Variants in WIZ observed in about 807,000 individuals in gnomAD.
WIZ encodes protein Wiz.
A neutral mutation model predicts 140.2 loss-of-function variants in WIZ; 25 were observed. The observed-to-expected ratio is 0.18, with a 90% CI of 0.13 to 0.25. The LOEUF (loss-of-function observed/expected upper bound fraction) is 0.25, where lower values mean the gene tolerates loss of function less well. WIZ is among the 10% of genes least tolerant of loss of function. WIZ has a pLI of 1.00. For synonymous variants in WIZ, 1,125 were observed against 1,154.3 expected, an observed-to-expected ratio of 0.97 and a Z score of 0.51; for missense variants, 2,231 against 2,632.6, an observed-to-expected ratio of 0.85 and a Z score of 3.34.
In WIZ at chr19:15,427,997, T is replaced by A; in HGVS notation, c.3814+113A>T. 7.0e-7 allele frequency: 1 copy of A among 1,420,938 alleles called. No individual in the cohort carries two copies. Among genetic ancestry groups the A allele is most frequent in the Non-Finnish European group, 9.3e-7 (1 of 1,080,750 alleles). 88.0% of individuals were successfully genotyped at this position (1,420,938 alleles called of 1,614,324 possible). A position where few individuals can be genotyped will look rare whatever the true frequency, so the allele number is the denominator to read the frequency against. On this transcript the variant is annotated intron_variant, in intron 8 of 12. Coordinates refer to ENST00000673675, the MANE Select transcript of WIZ (RefSeq NM_001371589.1). This position sits in a 1 kb window ranked among gnomAD's most constrained non-coding sequence, Gnocchi z 6.4. ...AGATCTCTGGGCAGAACCGGCCCAC[T>A]GCCAAGGGCCCCTGTCTACTCCCTG... is the stretch of plus-strand genomic sequence containing the variant.
At position 15,424,589 on chromosome 19, in the gene WIZ, G is replaced by T; in HGVS notation, c.5314+24C>A. ...CCTGACAGGTGCCCGCTGCGCTCCC[G>T]ACCCTCCTCCACCAAGCACTCACTG... On this transcript the variant is annotated intron_variant, in intron 11 of 12. Coordinates refer to ENST00000673675, the MANE Select transcript of WIZ (RefSeq NM_001371589.1). This position sits in a 1 kb window ranked among gnomAD's most constrained non-coding sequence, Gnocchi z 9.7. 1 of 1,573,520 alleles carries T rather than the reference G, an allele frequency of 6.4e-7. No homozygotes were observed. Among genetic ancestry groups the T allele is most frequent in the Non-Finnish European group, 8.6e-7 (1 of 1,167,960 alleles).
At position 15,439,399 on chromosome 19, in the gene WIZ, A is replaced by C; in HGVS notation, c.1595T>G (p.Leu532Trp). Residue 532 changes from leucine to tryptophan, a missense_variant, in exon 4 of 13, where the codon TTG becomes TGG. Around this residue, in one of 15 missense-constraint regions of WIZ, gnomAD observed 475 missense variants for 520.2 expected, o/e 0.91. Transcript: ENST00000673675. The surrounding 1 kb of genome is among the most constrained non-coding windows in gnomAD (Gnocchi z 7.0). ...AGGGTTCTCCCGCCACATGGGGGCC[A>C]AGGACGGCTCAGCTTTGCCAAAGTA... ...VDYFGKAEPS[L>W]APMWRENPAG... 6.5e-7 allele frequency: 1 copy of C among 1,528,558 alleles called. No individual in the cohort carries two copies. Among genetic ancestry groups the C allele is most frequent in the South Asian group, 1.2e-5 (1 of 83,528 alleles). The allele number at this position is 1,528,558 out of a possible 1,614,324, so 94.7% of individuals were successfully genotyped here. A position where few individuals can be genotyped will look rare whatever the true frequency, so the allele number is the denominator to read the frequency against.
chr19:15,424,212 G>T lies in WIZ; in HGVS notation c.5481C>A (p.Phe1827Leu). 1 of 1,565,826 alleles carries T rather than the reference G, an allele frequency of 6.4e-7. No homozygotes were observed. Among genetic ancestry groups the T allele is most frequent in the East Asian group, 2.4e-5 (1 of 41,938 alleles). ...ATTTGAGGGTGTAGATGTTGCCCAC[G>T]AACTTGACAAGTGATGTCTGGGGGG... ...PRPPQTSLVKFVGNIYTLKCR... is the reference protein window; with the variant it reads ...PRPPQTSLVKLVGNIYTLKCR... Residue 1827 changes from phenylalanine to leucine, a missense_variant, in exon 12 of 13, where the codon TTC becomes TTA. Transcript: ENST00000673675. This position sits in a 1 kb window ranked among gnomAD's most constrained non-coding sequence, Gnocchi z 9.7.
chr19:15,448,366 G>A lies in WIZ; in HGVS notation c.-59C>T. On this transcript the variant is annotated splice_region_variant and 5_prime_UTR_variant, in exon 2 of 13. Transcript: ENST00000673675. ...GCACCGGCTCAGCGGGGCATTGTGG[G>A]CCTGGGGATAGAGAGAAGGAAGTGC... 1.3e-6 allele frequency: 2 copies of A among 1,592,178 alleles called. No homozygotes were observed. The highest frequency in any genetic ancestry group is 2.2e-5 in the South Asian group (2 of 90,330).
intron 2 of WIZ, among the ~76,000 whole-genome samples, chr19:15,446,432 G>A (rs1369406299): frequency 6.6e-6 from 1 of 152,150 alleles, no homozygotes; most frequent in Non-Finnish European, 1.5e-5. Flanking sequence ...CTCTCTCTGA[G>A]CCTCAGTTAT....
chr19:15,429,536 C>T (rs968499872), intron 7 of WIZ, 50 bp downstream of exon 7: 6 of 1,330,120 alleles, frequency 4.5e-6, no homozygotes, highest in South Asian at 4.4e-5. Flanking sequence ...CCTGAGGTCC[C>T]GACCCTCCCA....
In WIZ at chr19:15,442,694, G is replaced by C. The variant is rs534517188; in HGVS notation, c.260C>G (p.Thr87Ser). Reference sequence around the variant, plus strand: ...CACTCACCAGCTGCTGATCCGATGGGTGGCGGAGGTGACACGGGGGAGGGC... The same window carrying C: ...CACTCACCAGCTGCTGATCCGATGGCTGGCGGAGGTGACACGGGGGAGGGC... ...SEALPRVTSA[T>S]HRISSCCWDG... Residue 87 changes from threonine (T) to serine (S), a missense_variant, in exon 3 of 13, where the codon ACC (threonine) becomes AGC (serine). By Grantham distance (58) the Thr-to-Ser change is moderately conservative (BLOSUM62 1). Transcript: ENST00000673675. The surrounding 1 kb of genome is among the most constrained non-coding windows in gnomAD (Gnocchi z 5.5). The C allele has an allele frequency of 2.4e-5, 29 of 1,232,554 alleles. No homozygotes were observed. The African/African-American group carries it at 4.5e-4, about 19-fold the overall frequency. The allele number at this position is 1,232,554 out of a possible 1,614,324, so 76.4% of individuals were successfully genotyped here. A position where few individuals can be genotyped will look rare whatever the true frequency, so the allele number is the denominator to read the frequency against.
Position 15,427,252 on chromosome 19 carries a change from G to A in WIZ, c.4096C>T (p.Pro1366Ser). 1 of 1,613,852 alleles carries A rather than the reference G, an allele frequency of 6.2e-7. No homozygotes were observed. The change falls in exon 9 of 13, where the codon CCC (proline) becomes TCC (serine). Residue 1366 changes from proline (P) to serine (S), a missense_variant. Transcript: ENST00000673675. The surrounding 1 kb of genome is among the most constrained non-coding windows in gnomAD (Gnocchi z 6.4). Reference sequence around the variant, plus strand: ...AAGGGTGAGATGTGAAGGTCCGAGGGGCTGCGGGCTTCCAGTGAGCTGCCA... The same window carrying A: ...AAGGGTGAGATGTGAAGGTCCGAGGAGCTGCGGGCTTCCAGTGAGCTGCCA... ...GPGSSLEARS[P>S]SDLHISPLAK...
chr19:15,425,387 G>T lies in WIZ; in HGVS notation c.4748C>A (p.Ser1583Ter). The change falls in exon 10 of 13, where the codon TCA (serine) becomes TAA (stop). Residue 1583 changes from serine (S) to a stop codon, truncating the protein, a stop_gained. Transcript: ENST00000673675. LOFTEE classifies it high-confidence loss of function. ...CACTGAGCCCAGGTAGCCAGTGGCT[G>T]AGGGCTTGGCCCCAGTGATGGGCGT... ...SLTPITGAKP[S>*]ATGYLGSVAA... is the part of the protein sequence containing the mutation. The T allele has an allele frequency of 6.4e-7, 1 of 1,557,130 alleles. No individual in the cohort carries two copies. The highest frequency in any genetic ancestry group is 1.4e-5 in the African/African-American group (1 of 73,460).
Position 15,430,945 on chromosome 19 carries a change from C to T in WIZ, c.2911+67G>A, listed in dbSNP as rs1969193374. 2.2e-5 allele frequency: 32 copies of T among 1,448,058 alleles called. No homozygotes were observed. The South Asian group carries it at 2.6e-4, about 12-fold the overall frequency. The allele number at this position is 1,448,058 out of a possible 1,614,324, so 89.7% of individuals were successfully genotyped here. A position where few individuals can be genotyped will look rare whatever the true frequency, so the allele number is the denominator to read the frequency against. On this transcript the variant is annotated intron_variant, in intron 6 of 12. Coordinates refer to ENST00000673675, the MANE Select transcript of WIZ (RefSeq NM_001371589.1). ...TGGGCCCCACATTAACCCCAAGGCA[C>T]GAGAGTGCTCCTGTGAGTGTAACCA... is the stretch of plus-strand genomic sequence containing the variant.
At chr19:15,433,004 C>G (rs2145317170) in intron 5 of WIZ, among the ~76,000 whole-genome samples, 1 of 152,248 alleles carries the variant, frequency 6.6e-6, no homozygotes, top group East Asian at 2.0e-4. Flanking sequence ...CCGGACATCT[C>G]TATCCCTAGG....
chr19:15,428,627 CA>C lies in WIZ; in HGVS notation c.3416-120del. ...TCAGGCAGTTGGGGGGTCCAAGACTCAGGCCGCAGATTTCTTTTGAAGTTTG... is the reference window on the plus strand; with the variant it reads ...TCAGGCAGTTGGGGGGTCCAAGACTCGGCCGCAGATTTCTTTTGAAGTTTG... On this transcript the variant is annotated intron_variant, in intron 7 of 12. Transcript: ENST00000673675. The surrounding 1 kb of genome is among the most constrained non-coding windows in gnomAD (Gnocchi z 6.4). 8.0e-7 allele frequency: 1 copy of C among 1,247,114 alleles called. No homozygotes were observed. The highest frequency in any genetic ancestry group is 1.1e-6 in the Non-Finnish European group (1 of 906,060). 77.3% of individuals were successfully genotyped at this position (1,247,114 alleles called of 1,614,324 possible).
chr19:15,424,050 G>T lies in WIZ; in HGVS notation c.5510+133C>A. On this transcript the variant is annotated intron_variant, in intron 12 of 12. Coordinates refer to ENST00000673675, the MANE Select transcript of WIZ (RefSeq NM_001371589.1). The surrounding 1 kb of genome is among the most constrained non-coding windows in gnomAD (Gnocchi z 9.7). Reference sequence around the variant, plus strand: ...AGCTCAGGGTGTCAGCCTTTAGCCTGAGCCCCACCACACCCAAGGGCAGCC... The same window carrying T: ...AGCTCAGGGTGTCAGCCTTTAGCCTTAGCCCCACCACACCCAAGGGCAGCC... 1 of 810,808 alleles carries T rather than the reference G, an allele frequency of 1.2e-6. No homozygotes were observed. 50.2% of individuals were successfully genotyped at this position (810,808 alleles called of 1,614,324 possible). A position where few individuals can be genotyped will look rare whatever the true frequency, so the allele number is the denominator to read the frequency against.
At position 15,439,931 on chromosome 19, in the gene WIZ, C is replaced by T. The variant is rs921031189; in HGVS notation, c.1063G>A (p.Gly355Arg). 27 of 1,533,026 alleles carry T rather than the reference C, an allele frequency of 1.8e-5. No individual in the cohort carries two copies. The highest frequency in any genetic ancestry group is 4.1e-5 in the African/African-American group (3 of 72,956). 95.0% of individuals were successfully genotyped at this position (1,533,026 alleles called of 1,614,324 possible). ...TCAGCAAAGGCCCAGCCACACTCCCCGCAGGCCAGCGGGGCCAGGTCCGCA... is the reference window on the plus strand; with the variant it reads ...TCAGCAAAGGCCCAGCCACACTCCCTGCAGGCCAGCGGGGCCAGGTCCGCA... ...PPADLAPLAC[G>R]ECGWAFADPT... The change falls in exon 4 of 13, where the codon GGG becomes AGG. Residue 355 changes from glycine (G) to arginine (R), a missense_variant. This residue lies in a region of WIZ where 475 missense variants were observed against 520.2 expected (regional missense o/e 0.91). Transcript: ENST00000673675. This position sits in a 1 kb window ranked among gnomAD's most constrained non-coding sequence, Gnocchi z 7.0.
At chr19:15,423,546 C>T (rs1026100091) in intron 12 of WIZ, among the ~76,000 whole-genome samples, 1 of 152,130 alleles carries the variant, frequency 6.6e-6, no homozygotes, top group Non-Finnish European at 1.5e-5. Flanking sequence ...CAGTAGAGGG[C>T]ACAGAGAAGC....
chr19:15,429,991 C>T lies in WIZ; in HGVS notation c.3010G>A (p.Ala1004Thr). ...GGTGCGCCGCTGCTTTCCGACTCTG[C>T]CACTCCCAGCTGCCGCAGGTGGGAG... ...ARSHLRQLGV[A>T]ESESSGAPID... The change falls in exon 7 of 13, where the codon GCA becomes ACA. Residue 1004 changes from alanine to threonine, a missense_variant. Coordinates refer to ENST00000673675, the MANE Select transcript of WIZ (RefSeq NM_001371589.1). The T allele has an allele frequency of 6.5e-7, 1 of 1,536,010 alleles. No homozygotes were observed. Among genetic ancestry groups the T allele is most frequent in the Non-Finnish European group, 8.7e-7 (1 of 1,146,814 alleles).
chr19:15,427,127 T>G lies in WIZ; in HGVS notation c.4221A>C (p.Ala1407=). ...TARKMFPGLA[A]PSLPKKLKPE... ...GCTTCAGCTTCTTGGGCAAGGAGGGTGCAGCCAGGCCTGGGAACATCTTTC... is the reference window on the plus strand; with the variant it reads ...GCTTCAGCTTCTTGGGCAAGGAGGGGGCAGCCAGGCCTGGGAACATCTTTC... Residue 1407 remains alanine, a synonymous_variant, in exon 9 of 13, where the codon GCA becomes GCC. Transcript: ENST00000673675. This position sits in a 1 kb window ranked among gnomAD's most constrained non-coding sequence, Gnocchi z 6.4. The G allele has an allele frequency of 2.5e-6, 4 of 1,614,122 alleles. No homozygotes were observed. Among genetic ancestry groups the G allele is most frequent in the Non-Finnish European group, 3.4e-6 (4 of 1,180,016 alleles).
intron 3 of WIZ, among the ~76,000 whole-genome samples, chr19:15,441,618 C>G (rs908942188): frequency 1.3e-5 from 2 of 152,088 alleles, no homozygotes; most frequent in African/African-American, 2.4e-5. Flanking sequence ...ATCGGTTCTC[C>G]CTTCCTTTTC....
In WIZ at chr19:15,424,776, C is replaced by T. The variant is rs548105462; in HGVS notation, c.5151G>A (p.Pro1717=). 2.6e-5 allele frequency: 42 copies of T among 1,586,488 alleles called. No individual in the cohort carries two copies. The African/African-American group carries it at 3.2e-4, about 12-fold the overall frequency. ...AGHGRDSDKR[P]SLGLAPGGLA... ...GGCCCCCGGGTGCCAGCCCCAGGGACGGCCGCTTGTCACTGTCACGGCCAT... is the reference window on the plus strand; with the variant it reads ...GGCCCCCGGGTGCCAGCCCCAGGGATGGCCGCTTGTCACTGTCACGGCCAT... Residue 1717 remains proline (P), a synonymous_variant, in exon 11 of 13, where the codon CCG becomes CCA. Coordinates refer to ENST00000673675, the MANE Select transcript of WIZ (RefSeq NM_001371589.1). This position sits in a 1 kb window ranked among gnomAD's most constrained non-coding sequence, Gnocchi z 9.7.
Sources: gnomAD v4.1 joint callset for allele counts (sites outside exome capture counted in the v4.1 genomes callset) on GRCh38, gnomAD v4.1.1 for gene constraint, gnomAD v4.1.1 regional missense constraint, Gnocchi (gnomAD v3.1) non-coding constraint, MANE v1.5 for transcripts, NCBI Gene and HGNC (gene_info 2026-07-23, HGNC 2026-07-21) for gene names.